Variants in NLGN1 observed in about 807,000 individuals in gnomAD.
The protein encoded by NLGN1 is neuroligin-1.
Under a neutral mutation model 65.5 loss-of-function variants are expected in NLGN1, and 12 were observed. The ratio of observed to expected loss-of-function variants is 0.18; its 90% CI spans 0.12 to 0.30. NLGN1 has a LOEUF of 0.30. Among genes scored for constraint, NLGN1 ranks in the 10% least tolerant of loss-of-function variants. NLGN1 has a pLI of 1.00. For synonymous variants in NLGN1, 350 were observed against 359.5 expected (o/e 0.97, Z 0.30); for missense variants, 750 against 1,007.1 (o/e 0.74, Z 3.46).
chr3:173,747,795 C>CTTCTTTTTTTTTTTTTTTT lies in NLGN1; in HGVS notation c.494-59883_494-59882insCTTTTTTTTTTTTTTTTTT, dbSNP rs1560289220. On this transcript the variant is annotated intron_variant, in intron 3 of 6. Transcript: ENST00000457714. The stretch of plus-strand genomic sequence containing the variant: ...AAACAAAATTTTCTTTCTTCTTCTT[C>CTTCTTTTTTTTTTTTTTTT]TTGTTCTTTTTTTTTTTTTTTTTTT... Among the ~76,000 whole-genome samples, 17 of 78,568 alleles carry CTTCTTTTTTTTTTTTTTTT rather than the reference C, an allele frequency of 2.2e-4. 1 individual carries two copies. The highest frequency in any genetic ancestry group is 9.9e-4 in the African/African-American group (16 of 16,100). 51.5% of individuals were successfully genotyped at this position (78,568 alleles called of 152,430 possible).
At chr3:173,491,899 C>G (rs776094458) in intron 2 of NLGN1, among the ~76,000 whole-genome samples, 1 of 151,678 alleles carries the variant, frequency 6.6e-6, no homozygotes, top group Non-Finnish European at 1.5e-5. Flanking sequence ...CATTAATATC[C>G]TATGCTATAA....
chr3:173,412,558 CTA>C (rs67240342), intron 1 of NLGN1, among the ~76,000 whole-genome samples: 83,948 of 151,320 alleles, frequency 0.55, 24,580 homozygotes, highest in East Asian at 0.76. Flanking sequence ...GAGTGAAACT[CTA>C]TCTTAATTAC....
At chr3:174,276,026 G>T (rs1750494260) in intron 5 of NLGN1, among the ~76,000 whole-genome samples, 1 of 151,882 alleles carries the variant, frequency 6.6e-6, no homozygotes, top group African/African-American at 2.4e-5. Flanking sequence ...ATGGATTGTT[G>T]ATTATTTCGC....
chr3:174,113,336 C>T (rs1202755246), intron 4 of NLGN1, among the ~76,000 whole-genome samples: 1 of 151,772 alleles, frequency 6.6e-6, no homozygotes, highest in Non-Finnish European at 1.5e-5. Context: ...ATTTTGAGCT[C>T]TAAATGTTTC....
At chr3:174,281,798 C>T (rs1005932655) in exon 7 of NLGN1, 2 of 153,108 alleles carry the variant, frequency 1.3e-5, no homozygotes, top group Non-Finnish European at 2.9e-5. Flanking sequence ...AGCAAAGGCT[C>T]ATGCTGAAAT....
chr3:173,428,912 G>A (rs1207389752), intron 1 of NLGN1, among the ~76,000 whole-genome samples: 1 of 151,468 alleles, frequency 6.6e-6, no homozygotes, highest in Non-Finnish European at 1.5e-5. Context: ...CTTTTGTTTT[G>A]CTGCTTTTAC....
At chr3:173,501,130 C>T (rs1018148124) in intron 2 of NLGN1, among the ~76,000 whole-genome samples, 1 of 152,008 alleles carries the variant, frequency 6.6e-6, no homozygotes, top group Non-Finnish European at 1.5e-5. Flanking sequence ...ATTTTAAGTT[C>T]CAGATACATG....
chr3:173,528,026 G>C (rs1426309095), intron 2 of NLGN1, among the ~76,000 whole-genome samples: 4 of 152,202 alleles, frequency 2.6e-5, no homozygotes, highest in African/African-American at 4.8e-5. Flanking sequence ...AGTCTCAATT[G>C]TGTAATTGCT....
intron 4 of NLGN1, among the ~76,000 whole-genome samples, chr3:174,248,155 T>C (rs1425050610): frequency 1.3e-5 from 2 of 152,180 alleles, no homozygotes; most frequent in Non-Finnish European, 2.9e-5. Context: ...TAGAGAGGAT[T>C]ACAGTGCTCA....
At chr3:173,627,290 G>T (rs780900895) in intron 3 of NLGN1, among the ~76,000 whole-genome samples, 28 of 152,094 alleles carry the variant, frequency 1.8e-4, no homozygotes, top group Non-Finnish European at 3.5e-4. Flanking sequence ...ACATATCAAT[G>T]AGGTCACACA....
chr3:173,442,468 C>T (rs546932943), intron 2 of NLGN1, among the ~76,000 whole-genome samples: 11 of 152,170 alleles, frequency 7.2e-5, no homozygotes, highest in South Asian at 2.1e-4. Context: ...TAACATTCAA[C>T]GTGTGTAATA....
At chr3:173,973,617 G>T (rs1716776722) in intron 4 of NLGN1, among the ~76,000 whole-genome samples, 1 of 151,892 alleles carries the variant, frequency 6.6e-6, no homozygotes, top group Non-Finnish European at 1.5e-5. Flanking sequence ...ATCAAATATA[G>T]TAGCCTGGTA....
intron 3 of NLGN1, among the ~76,000 whole-genome samples, chr3:173,762,965 T>TACACACACACACACACACACACACAC (rs111427276): frequency 3.1e-4 from 45 of 143,358 alleles, no homozygotes; most frequent in African/African-American, 1.1e-3. Context: ...TTGTCTCTGA[T>TACACACACACACACACACACACACAC]ACACACACAC....
chr3:173,802,672 G>A (rs190700006), intron 3 of NLGN1, among the ~76,000 whole-genome samples: 514 of 152,178 alleles, frequency 3.4e-3, no homozygotes, highest in Non-Finnish European at 5.2e-3. Context: ...GACTTGATAA[G>A]TAACTTCATT....
chr3:173,515,800 G>A (rs1029124921), intron 2 of NLGN1, among the ~76,000 whole-genome samples: 7 of 151,674 alleles, frequency 4.6e-5, no homozygotes, highest in African/African-American at 1.2e-4. Flanking sequence ...TTTTATACTC[G>A]TAGCCCTCAT....
intron 4 of NLGN1, among the ~76,000 whole-genome samples, chr3:173,917,841 TTG>T (rs145802137): frequency 6.7e-4 from 98 of 146,108 alleles, no homozygotes; most frequent in African/African-American, 9.1e-4. Flanking sequence ...CAAAGCAACA[TTG>T]TGTGTGTGTG....
At position 173,988,527 on chromosome 3, in the gene NLGN1, C is replaced by A. The variant is rs111613765; in HGVS notation, c.646+180695C>A. 2.5e-3 allele frequency among the ~76,000 whole-genome samples: 381 copies of A among 152,222 alleles called. 2 individuals carry two copies. Among genetic ancestry groups the A allele is most frequent in the African/African-American group, 8.8e-3 (367 of 41,554 alleles). ...GAAGGAAGATAGCAGGTTGCTCAGA[C>A]CTTAACAGGAAGAATAGGGTGGCAA... On this transcript the variant is annotated intron_variant, in intron 4 of 6. Transcript: ENST00000457714.
At chr3:174,019,394 G>T (rs968553964) in intron 4 of NLGN1, among the ~76,000 whole-genome samples, 10 of 152,086 alleles carry the variant, frequency 6.6e-5, no homozygotes, top group African/African-American at 2.4e-4. Context: ...TTGCCCTCTT[G>T]CCATTTGATA....
At chr3:174,169,047 A>C (rs1028181749) in intron 4 of NLGN1, among the ~76,000 whole-genome samples, 7 of 152,146 alleles carry the variant, frequency 4.6e-5, no homozygotes, top group African/African-American at 1.7e-4. Flanking sequence ...CCAGGCTTGG[A>C]GCCTACCTGT....
Sources: allele counts gnomAD v4.1 joint callset (sites outside exome capture counted in the v4.1 genomes callset), GRCh38; gene constraint gnomAD v4.1.1; transcripts MANE v1.5; gene names NCBI Gene and HGNC (gene_info 2026-07-23, HGNC 2026-07-21).